INSC: variants seen among roughly 807,000 people sequenced by gnomAD.
INSC encodes the protein INSC spindle orientation adaptor protein, also known as protein inscuteable homolog.
In INSC, 67 loss-of-function variants were observed where a neutral mutation model predicts 58.6. The ratio of observed to expected loss-of-function variants is 1.14; its 90% CI spans 0.94 to 1.40. The LOEUF is 1.40. Ranked by LOEUF, INSC falls within the 40% of genes most tolerant of loss-of-function variation. INSC has a pLI of 0.00. For missense variants in INSC, 714 were observed against 692.0 expected, an observed-to-expected ratio of 1.03 and a Z score of -0.36; for synonymous variants, 262 against 276.1, an observed-to-expected ratio of 0.95 and a Z score of 0.51.
At chr11:15,188,697 A>G (rs1320832385) in intron 5 of INSC, among the ~76,000 whole-genome samples, 1 of 152,248 alleles carries the variant, frequency 6.6e-6, no homozygotes, top group Non-Finnish European at 1.5e-5. Flanking sequence ...ACATGAAATT[A>G]TTCTCAGACT....
chr11:15,171,412 A>G lies in INSC; in HGVS notation c.57-4329A>G, dbSNP rs761857370. ...AATCTGGCACCGAAGGCTTCTCACA[A>G]TCAGGGCCTTGGTGTACCTTTCTGG... On this transcript the variant is annotated intron_variant, in intron 2 of 12. Transcript: ENST00000379556. Among the ~76,000 whole-genome samples the G allele has an allele frequency of 4.6e-5, 7 of 152,156 alleles. No homozygotes were observed. In the South Asian group the frequency reaches 6.2e-4, roughly 14 times the overall value.
chr11:15,206,429 A>T (rs1351622929), intron 7 of INSC, among the ~76,000 whole-genome samples: 1 of 152,218 alleles, frequency 6.6e-6, no homozygotes, highest in Non-Finnish European at 1.5e-5. Flanking sequence ...TGGGGCTCCA[A>T]GTCTCCAAGT....
chr11:15,112,301 A>G (rs1847587421), upstream of INSC: 3 of 495,226 alleles, frequency 6.1e-6, no homozygotes, highest in Non-Finnish European at 1.1e-5. Flanking sequence ...GGAAGCTTCA[A>G]CTCTGAGCTC....
Position 15,170,899 on chromosome 11 carries a change from G to A in INSC, c.57-4842G>A, listed in dbSNP as rs937296029. 1.1e-4 allele frequency among the ~76,000 whole-genome samples: 17 copies of A among 152,312 alleles called. No individual in the cohort carries two copies. The East Asian group carries it at 1.3e-3, about 12-fold the overall frequency. On this transcript the variant is annotated intron_variant, in intron 2 of 12. Transcript: ENST00000379556. ...CACAGACACTGGTAGGCACAAACAC[G>A]CAGGGCTTGAAGAAATCAATAGTTC...
chr11:15,209,437 T>C (rs540095363), intron 7 of INSC, among the ~76,000 whole-genome samples: 37 of 152,294 alleles, frequency 2.4e-4, no homozygotes, highest in African/African-American at 8.4e-4. Flanking sequence ...GTGCTGGGTG[T>C]CCCAATGAGA....
chr11:15,242,285 GA>G (rs1249744422), intron 12 of INSC, among the ~76,000 whole-genome samples: 5 of 152,168 alleles, frequency 3.3e-5, no homozygotes, highest in Non-Finnish European at 7.3e-5. Flanking sequence ...TTATTAGTGT[GA>G]AGGAGAGCAC....
At chr11:15,187,331 A>C (rs1251290223) in intron 5 of INSC, among the ~76,000 whole-genome samples, 1 of 152,238 alleles carries the variant, frequency 6.6e-6, no homozygotes, top group African/African-American at 2.4e-5. Flanking sequence ...ATTAGAACTC[A>C]TCTCTCTATA....
At chr11:15,242,368 A>G (rs139721195) in intron 12 of INSC, among the ~76,000 whole-genome samples, 1 of 152,294 alleles carries the variant, frequency 6.6e-6, no homozygotes, top group Non-Finnish European at 1.5e-5. Flanking sequence ...TATCTTGTGG[A>G]TGAGTTGGTG....
intron 1 of INSC, among the ~76,000 whole-genome samples, chr11:15,121,052 T>C (rs572787557): frequency 7.7e-5 from 1 of 12,934 alleles, no homozygotes; most frequent in South Asian, 0.1. Flanking sequence ...TGTTTTATTA[T>C]ATATATGAAT....
intron 9 of INSC, among the ~76,000 whole-genome samples, chr11:15,228,472 C>A (rs1792565): frequency 0.54 from 82,350 of 152,030 alleles, 24,000 homozygotes; most frequent in East Asian, 0.89. Context: ...AGGATGGCTT[C>A]ACCTTCTGTC....
At chr11:15,121,177 A>G (rs894246463) in intron 1 of INSC, among the ~76,000 whole-genome samples, 2 of 152,172 alleles carry the variant, frequency 1.3e-5, no homozygotes, top group African/African-American at 4.8e-5. Flanking sequence ...CTCTTACCAC[A>G]GTGCAATTCG....
At chr11:15,156,801 G>A (rs987882883) in intron 2 of INSC, among the ~76,000 whole-genome samples, 1 of 152,046 alleles carries the variant, frequency 6.6e-6, no homozygotes, top group Non-Finnish European at 1.5e-5. Flanking sequence ...TTTGTTATGT[G>A]GGTTAATTCC....
At chr11:15,165,227 G>A (rs372901924) in intron 2 of INSC, among the ~76,000 whole-genome samples, 2 of 151,988 alleles carry the variant, frequency 1.3e-5, no homozygotes, top group Non-Finnish European at 2.9e-5. Flanking sequence ...AAAAATATGC[G>A]CCACCACTGC....
At chr11:15,128,373 C>T (rs940805988) in intron 1 of INSC, among the ~76,000 whole-genome samples, 3 of 152,150 alleles carry the variant, frequency 2.0e-5, no homozygotes, top group African/African-American at 4.8e-5. Context: ...TATGGGGATA[C>T]AAAGTGGTGT....
chr11:15,163,401 T>C (rs56378619), intron 2 of INSC, among the ~76,000 whole-genome samples: 4,755 of 152,240 alleles, frequency 0.031, 120 homozygotes, highest in Admixed American at 0.09. Context: ...TTTATGTATG[T>C]AGTATATTCT....
At chr11:15,112,730 A>G (rs139891691), upstream of INSC, among the ~76,000 whole-genome samples, 586 of 152,064 alleles carry the variant, frequency 3.9e-3, 9 homozygotes, top group African/African-American at 0.013. Context: ...AAACCCAGAC[A>G]CAGAGTTTGG....
At chr11:15,188,378 C>CA (rs1850049293) in intron 5 of INSC, 12 of 985,162 alleles carry the variant, frequency 1.2e-5, no homozygotes, top group Non-Finnish European at 1.4e-5. Context: ...TCCTGACCTT[C>CA]AAAAATGGGA....
chr11:15,178,302 C>T lies in INSC; in HGVS notation c.456-22C>T, dbSNP rs967027219. ...ACCACATGCCCTTTCCAGTGGCCCA[C>T]CCCATGGTTTCTTCTCTTCAGGTGC... On this transcript the variant is annotated intron_variant, in intron 4 of 12. Coordinates refer to ENST00000379556, the MANE Select transcript of INSC (RefSeq NM_001042536.3). 9 of 1,613,426 alleles carry T rather than the reference C, an allele frequency of 5.6e-6. 1 individual carries two copies. The highest frequency in any genetic ancestry group is 3.3e-4 in the Middle Eastern group (2 of 6,020).
chr11:15,128,411 T>C (rs1411609736), intron 1 of INSC, among the ~76,000 whole-genome samples: 3 of 152,236 alleles, frequency 2.0e-5, no homozygotes, highest in African/African-American at 7.2e-5. Context: ...TATTATATTT[T>C]AGTTTTTACA....
Sources: gnomAD v4.1 joint callset for allele counts (sites outside exome capture counted in the v4.1 genomes callset) on GRCh38, gnomAD v4.1.1 for gene constraint, MANE v1.5 for transcripts, NCBI Gene and HGNC (gene_info 2026-07-23, HGNC 2026-07-21) for gene names.